The following PSD2 variants were observed in gnomAD, a reference collection of about 807,000 sequenced individuals.
PSD2 encodes the protein PH and SEC7 domain-containing protein 2.
A neutral mutation model predicts 69.8 loss-of-function variants in PSD2; 38 were observed. The ratio of observed to expected loss-of-function variants is 0.54; its 90% CI spans 0.42 to 0.71. PSD2 has a LOEUF of 0.71. Among genes scored for constraint, PSD2 ranks in the 30% least tolerant of loss-of-function variants. PSD2 has a pLI of 0.00. For missense variants in PSD2, 943 were observed against 1,014.5 expected, an observed-to-expected ratio of 0.93 and a Z score of 0.96; for synonymous variants, 412 against 423.0, an observed-to-expected ratio of 0.97 and a Z score of 0.32.
the PSD2 span, among the ~76,000 whole-genome samples, chr5:139,763,824 A>C: frequency 1.3e-5 from 2 of 152,126 alleles, no homozygotes; most frequent in Non-Finnish European, 2.9e-5. Context: ...GCCTCTTGCT[A>C]TGCCTGGTCG....
chr5:139,786,194 G>A, the PSD2 span, among the ~76,000 whole-genome samples: 45 of 152,236 alleles, frequency 3.0e-4, no homozygotes, highest in African/African-American at 1.1e-3. Flanking sequence ...AGATCGGCCT[G>A]AGCAACATAG....
the PSD2 span, among the ~76,000 whole-genome samples, chr5:139,744,048 C>G: frequency 6.6e-6 from 1 of 152,290 alleles, no homozygotes; most frequent in South Asian, 2.1e-4. Context: ...ATTATCCACC[C>G]CAAATCCTAG....
At position 139,822,009 on chromosome 5, in the gene PSD2, T is replaced by C. The variant is rs148482752; in HGVS notation, c.1210+4T>C. 1.7e-5 allele frequency: 27 copies of C among 1,588,542 alleles called. No homozygotes were observed. The highest frequency in any genetic ancestry group is 2.1e-5 in the Non-Finnish European group (24 of 1,162,058). ...CCTGATGACAGCACTTCGGAAGGTATGGCCCCTTGCCCACTCTGCCTGACC... is the reference window on the plus strand; with the variant it reads ...CCTGATGACAGCACTTCGGAAGGTACGGCCCCTTGCCCACTCTGCCTGACC... On this transcript the variant is annotated splice_donor_region_variant and intron_variant, in intron 6 of 14. Coordinates refer to ENST00000274710, the MANE Select transcript of PSD2 (RefSeq NM_032289.4).
At chr5:139,757,187 G>T in the PSD2 span, among the ~76,000 whole-genome samples, 1 of 152,180 alleles carries the variant, frequency 6.6e-6, no homozygotes, top group Admixed American at 6.5e-5. Flanking sequence ...GGGGGCAAAG[G>T]GTTTGGAGCT....
chr5:139,842,582 A>G lies in PSD2; in HGVS notation c.*108A>G. ...ACCAAGCTCCAGTCAGTTGATGGGCAGCTAGAGGGGTGCAGAAAGCCTGTG... is the reference window on the plus strand; with the variant it reads ...ACCAAGCTCCAGTCAGTTGATGGGCGGCTAGAGGGGTGCAGAAAGCCTGTG... On this transcript the variant is annotated 3_prime_UTR_variant, in exon 15 of 15. Coordinates refer to ENST00000274710, the MANE Select transcript of PSD2 (RefSeq NM_032289.4). 1 of 979,838 alleles carries G rather than the reference A, an allele frequency of 1.0e-6. No homozygotes were observed. The highest frequency in any genetic ancestry group is 1.6e-6 in the Non-Finnish European group (1 of 642,072). The allele number at this position is 979,838 out of a possible 1,614,324, so 60.7% of individuals were successfully genotyped here. A position where few individuals can be genotyped will look rare whatever the true frequency, so the allele number is the denominator to read the frequency against.
intron 14 of PSD2, 133 bp from the exon 15 acceptor site, chr5:139,842,138 G>T (rs993328513): frequency 2.1e-5 from 14 of 663,426 alleles, no homozygotes; most frequent in Non-Finnish European, 3.5e-5. Context: ...TTTTTAATTG[G>T]ACTGTTCATC....
chr5:139,814,443 CT>C lies in PSD2; in HGVS notation c.1016+81del, dbSNP rs1430174530. ...ACCTGAAGAGGGTGTGGGTGACCTT[CT>C]TCAGGGGTGCCAGGTGCTGGGGGGG... On this transcript the variant is annotated intron_variant, in intron 4 of 14. Coordinates refer to ENST00000274710, the MANE Select transcript of PSD2 (RefSeq NM_032289.4). The surrounding 1 kb of genome is among the most constrained non-coding windows in gnomAD (Gnocchi z 4.4). 3.7e-6 allele frequency: 5 copies of C among 1,354,800 alleles called. No homozygotes were observed. In the African/African-American group the frequency reaches 7.5e-5, roughly 20 times the overall value. The allele number at this position is 1,354,800 out of a possible 1,614,324, so 83.9% of individuals were successfully genotyped here. A position where few individuals can be genotyped will look rare whatever the true frequency, so the allele number is the denominator to read the frequency against.
intron 6 of PSD2, 71 bp from the exon 7 acceptor site, chr5:139,822,655 G>A (rs1214514930): frequency 1.8e-5 from 25 of 1,386,362 alleles, no homozygotes; most frequent in African/African-American, 2.9e-5. Context: ...CTCCTGACGG[G>A]TTCCGTCAGG....
the PSD2 span, among the ~76,000 whole-genome samples, chr5:139,758,416 G>C: frequency 6.6e-6 from 1 of 152,158 alleles, no homozygotes; most frequent in African/African-American, 2.4e-5. Flanking sequence ...GAGAAGGGCA[G>C]GGGGTTAGGC....
In PSD2 at chr5:139,814,091, G is replaced by T; in HGVS notation, c.822-79G>T. Reference sequence around the variant, plus strand: ...GCCCCTACATGGTTTGCAGTGGCCTGGGGAAACCTCCCAGCCTCCTCTGGG... The same window carrying T: ...GCCCCTACATGGTTTGCAGTGGCCTTGGGAAACCTCCCAGCCTCCTCTGGG... On this transcript the variant is annotated intron_variant, in intron 3 of 14. Transcript: ENST00000274710. This position sits in a 1 kb window ranked among gnomAD's most constrained non-coding sequence, Gnocchi z 4.4. The T allele has an allele frequency of 7.0e-7, 1 of 1,429,236 alleles. No individual in the cohort carries two copies. The highest frequency in any genetic ancestry group is 9.7e-7 in the Non-Finnish European group (1 of 1,034,096). 88.5% of individuals were successfully genotyped at this position (1,429,236 alleles called of 1,614,324 possible).
At chr5:139,785,183 T>A in the PSD2 span, among the ~76,000 whole-genome samples, 2 of 149,500 alleles carry the variant, frequency 1.3e-5, no homozygotes, top group Non-Finnish European at 3.0e-5. Context: ...TCTTCTCTTC[T>A]CCTCTCCTCT....
intron 5 of PSD2, among the ~76,000 whole-genome samples, chr5:139,817,927 G>A (rs144072443): frequency 7.6e-4 from 115 of 152,282 alleles, no homozygotes; most frequent in African/African-American, 2.5e-3. Context: ...TTCACATGAA[G>A]AAACTATGGG....
rs1017061244 is a variant in PSD2 at position 139,842,761 on chromosome 5, G to A, written c.*287G>A. The A allele has an allele frequency of 5.8e-6, 2 of 342,936 alleles. No homozygotes were observed. The highest frequency in any genetic ancestry group is 6.3e-5 in the South Asian group (1 of 15,868). The allele number at this position is 342,936 out of a possible 1,614,324, so 21.2% of individuals were successfully genotyped here. A position where few individuals can be genotyped will look rare whatever the true frequency, so the allele number is the denominator to read the frequency against. ...GTGTGCATGCTCTAGACACCACCTCGCTGGAGAAGCTGGAAGGGCTGTTGT... is the reference window on the plus strand; with the variant it reads ...GTGTGCATGCTCTAGACACCACCTCACTGGAGAAGCTGGAAGGGCTGTTGT... On this transcript the variant is annotated 3_prime_UTR_variant, in exon 15 of 15. Transcript: ENST00000274710.
chr5:139,797,034 G>T (rs779514350), intron 1 of PSD2, among the ~76,000 whole-genome samples: 1 of 152,128 alleles, frequency 6.6e-6, no homozygotes, highest in Non-Finnish European at 1.5e-5. Context: ...GGGGTGGGGG[G>T]GTTCACTGGG....
the PSD2 span, among the ~76,000 whole-genome samples, chr5:139,744,327 A>G: frequency 1.1e-4 from 17 of 151,892 alleles, 1 homozygote; most frequent in Non-Finnish European, 1.8e-4. Flanking sequence ...CACTCCTCCA[A>G]TCCTTCCCAG....
At position 139,838,784 on chromosome 5, in the gene PSD2, T is replaced by C; in HGVS notation, c.1968+12T>C. 6.2e-7 allele frequency: 1 copy of C among 1,604,738 alleles called. No homozygotes were observed. The highest frequency in any genetic ancestry group is 8.5e-7 in the Non-Finnish European group (1 of 1,173,366). On this transcript the variant is annotated intron_variant, in intron 13 of 14. Coordinates refer to ENST00000274710, the MANE Select transcript of PSD2 (RefSeq NM_032289.4). ...CCCGCCTCTGCCAGGTACATGTTCC[T>C]GGGTCAACATTTTGCCTCCCCAGGC...
intron 1 of PSD2, among the ~76,000 whole-genome samples, chr5:139,806,483 T>A (rs1407583423): frequency 6.6e-6 from 1 of 152,242 alleles, no homozygotes; most frequent in Non-Finnish European, 1.5e-5. Flanking sequence ...TTCTGGGTTC[T>A]GTGCCTCAGC....
chr5:139,756,958 A>G, the PSD2 span, among the ~76,000 whole-genome samples: 4 of 152,314 alleles, frequency 2.6e-5, no homozygotes, highest in South Asian at 4.1e-4. Flanking sequence ...CCGAGTCTCC[A>G]TTCATCCACA....
chr5:139,837,084 T>C lies in PSD2; in HGVS notation c.1594+83T>C. 2 of 1,596,350 alleles carry C rather than the reference T, an allele frequency of 1.3e-6. No individual in the cohort carries two copies. Among genetic ancestry groups the C allele is most frequent in the Non-Finnish European group, 1.7e-6 (2 of 1,167,450 alleles). ...ACGGGCCACTCTTTGGGGACGAACA[T>C]ACAGGTGGACACGTAGTGGGAGGTG... On this transcript the variant is annotated intron_variant, in intron 10 of 14. Transcript: ENST00000274710. The surrounding 1 kb of genome is among the most constrained non-coding windows in gnomAD (Gnocchi z 5.0).
Sources: gnomAD v4.1 joint callset for allele counts (sites outside exome capture counted in the v4.1 genomes callset) on GRCh38, gnomAD v4.1.1 for gene constraint, Gnocchi (gnomAD v3.1) non-coding constraint, MANE v1.5 for transcripts, NCBI Gene and HGNC (gene_info 2026-07-23, HGNC 2026-07-21) for gene names.